The following IQANK1 variants were observed in gnomAD, a reference collection of about 807,000 sequenced individuals.
IQANK1 encodes the protein IQ motif and ankyrin repeat domain-containing protein 1.
In IQANK1, 30 loss-of-function variants were observed where a neutral mutation model predicts 22.6. That is an observed-to-expected ratio of 1.33 (90% CI 0.99 to 1.80). The LOEUF (loss-of-function observed/expected upper bound fraction) is 1.80, where lower values mean the gene tolerates loss of function less well. Among genes scored for constraint, IQANK1 ranks in the 40% most tolerant of loss-of-function variants. IQANK1 has a pLI of 0.00. For missense variants in IQANK1, 275 were observed against 235.2 expected, an observed-to-expected ratio of 1.17 and a Z score of -1.11; for synonymous variants, 122 against 99.6, an observed-to-expected ratio of 1.23 and a Z score of -1.34.
intron 2 of IQANK1, 45 bp from the exon 3 acceptor site, chr8:143,739,814 T>TG (rs548917575): frequency 7.2e-5 from 49 of 677,020 alleles, no homozygotes; most frequent in South Asian, 1.6e-4. Flanking sequence ...CTAATGGGGA[T>TG]GGGGGTCTCT....
At chr8:143,773,327 A>AAAAC (rs1563777465) in intron 7 of IQANK1, among the ~76,000 whole-genome samples, 4 of 105,148 alleles carry the variant, frequency 3.8e-5, no homozygotes, top group African/African-American at 2.6e-4. Flanking sequence ...CAAAAAAAAC[A>AAAAC]CAAAAAAAAC....
chr8:143,737,152 G>T (rs1257208682), intron 2 of IQANK1, among the ~76,000 whole-genome samples: 1 of 152,238 alleles, frequency 6.6e-6, no homozygotes. Context: ...GGGCACAGGT[G>T]CCGCATGCTG....
chr8:143,744,076 C>T, intron 3 of IQANK1: 1 of 243,074 alleles, frequency 4.1e-6, no homozygotes, highest in Non-Finnish European at 8.3e-6. Context: ...TTGTGATCCG[C>T]CCGTCTCAGC....
rs1195492124 is a variant in IQANK1, at chr8:143,735,684, G to C, written c.-4-166G>C. Among the ~76,000 whole-genome samples, 4 of 152,188 alleles carry C rather than the reference G, an allele frequency of 2.6e-5. 1 individual carries two copies. Among genetic ancestry groups the C allele is most frequent in the African/African-American group, 7.2e-5 (3 of 41,482 alleles). On this transcript the variant is annotated intron_variant, in intron 1 of 13. Coordinates refer to ENST00000527139, the MANE Select transcript of IQANK1 (RefSeq NM_001381874.1). The surrounding 1 kb of genome is among the most constrained non-coding windows in gnomAD (Gnocchi z 5.2). ...GCTCAAGCTTCTGGGCACACACCCG[G>C]GGCGGGCAGGCAGACAGGACACCAG...
intron 7 of IQANK1, among the ~76,000 whole-genome samples, chr8:143,784,008 G>C (rs1449147998): frequency 1.3e-5 from 2 of 152,188 alleles, no homozygotes; most frequent in African/African-American, 4.8e-5. Flanking sequence ...ATAAAAGCAA[G>C]TCTTCCCACC....
At chr8:143,778,662 C>T (rs2129930940) in intron 7 of IQANK1, among the ~76,000 whole-genome samples, 1 of 152,366 alleles carries the variant, frequency 6.6e-6, no homozygotes, top group South Asian at 2.1e-4. Flanking sequence ...ACCATCCCTT[C>T]ATCATTCATC....
chr8:143,746,936 G>A (rs930557437), intron 3 of IQANK1, among the ~76,000 whole-genome samples: 2 of 151,972 alleles, frequency 1.3e-5, no homozygotes, highest in Non-Finnish European at 2.9e-5. Context: ...CTGGAGTGCA[G>A]TGGCACTATC....
At chr8:143,749,293 A>G (rs1212496441) in intron 3 of IQANK1, among the ~76,000 whole-genome samples, 3 of 120,960 alleles carry the variant, frequency 2.5e-5, no homozygotes, top group East Asian at 2.4e-4. Context: ...ATAAAAATAT[A>G]TAATATATAA....
At chr8:143,734,613 G>A (rs1200616988) in intron 1 of IQANK1, among the ~76,000 whole-genome samples, 1 of 151,258 alleles carries the variant, frequency 6.6e-6, no homozygotes, top group Non-Finnish European at 1.5e-5. Flanking sequence ...CCACGAACAC[G>A]CTGACATCCG....
intron 7 of IQANK1, among the ~76,000 whole-genome samples, chr8:143,775,823 C>CACA (rs57293834): frequency 4.0e-4 from 57 of 140,954 alleles, no homozygotes; most frequent in African/African-American, 1.7e-3. Context: ...CACACACACA[C>CACA]CATTCCTAAA....
intron 3 of IQANK1, among the ~76,000 whole-genome samples, chr8:143,766,367 G>A (rs538331831): frequency 2.5e-4 from 38 of 152,000 alleles, no homozygotes; most frequent in Non-Finnish European, 4.9e-4. Flanking sequence ...GTGTCTTCTC[G>A]TGAATAGAAC....
intron 7 of IQANK1, among the ~76,000 whole-genome samples, chr8:143,786,848 A>G (rs1819898711): frequency 6.6e-6 from 1 of 152,184 alleles, no homozygotes; most frequent in African/African-American, 2.4e-5. Flanking sequence ...TCCAGACAGG[A>G]GGACTGGCCA....
intron 3 of IQANK1, among the ~76,000 whole-genome samples, chr8:143,763,918 G>A (rs1819440441): frequency 6.6e-6 from 1 of 152,170 alleles, no homozygotes; most frequent in African/African-American, 2.4e-5. Context: ...ATACACTGGG[G>A]ACTTAAGCTG....
chr8:143,778,626 C>T (rs782038781), intron 7 of IQANK1, among the ~76,000 whole-genome samples: 1 of 152,190 alleles, frequency 6.6e-6, no homozygotes, highest in East Asian at 1.9e-4. Flanking sequence ...GCGATGATAC[C>T]GAAGAGCTGA....
At chr8:143,737,810 C>T (rs1818782305) in intron 2 of IQANK1, among the ~76,000 whole-genome samples, 2 of 152,218 alleles carry the variant, frequency 1.3e-5, no homozygotes, top group South Asian at 4.1e-4. Flanking sequence ...CTCCTCCCGC[C>T]ACAGCTGCAT....
At chr8:143,736,301 T>C (rs1375550340) in intron 2 of IQANK1, among the ~76,000 whole-genome samples, 1 of 152,034 alleles carries the variant, frequency 6.6e-6, no homozygotes, top group Non-Finnish European at 1.5e-5. Context: ...CACCACGCCC[T>C]GCTGATTTTT....
intron 3 of IQANK1, among the ~76,000 whole-genome samples, chr8:143,768,279 C>G (rs1446199825): frequency 6.6e-6 from 1 of 152,100 alleles, no homozygotes; most frequent in Non-Finnish European, 1.5e-5. Context: ...GCGGGAACGT[C>G]TCACCGCTTG....
intron 2 of IQANK1, 34 bp from the exon 3 acceptor site, chr8:143,739,825 C>T (rs1818851601): frequency 1.5e-6 from 1 of 682,528 alleles, no homozygotes; most frequent in African/African-American, 1.8e-5. Flanking sequence ...GGGGGTCTCT[C>T]ATCCCAAGCT....
rs1056982692 is a variant in IQANK1, at chr8:143,790,461, C to T, written c.1536C>T (p.Asp512=). The T allele has an allele frequency of 1.5e-5, 7 of 452,224 alleles. No homozygotes were observed. The highest frequency in any genetic ancestry group is 2.3e-4 in the South Asian group (2 of 8,834). 28.0% of individuals were successfully genotyped at this position (452,224 alleles called of 1,614,324 possible). ...ERYLSLLRPT[D]GPEYSPTQFQ... ...ACCTGTCGCTGCTGCGGCCCACGGA[C>T]GGGCCTGAGTATAGCCCCACGCAGT... Residue 512 remains aspartate, a synonymous_variant, in exon 14 of 14, where the codon GAC becomes GAT. Transcript: ENST00000527139.
Sources: gnomAD v4.1 joint callset for allele counts (sites outside exome capture counted in the v4.1 genomes callset) on GRCh38, gnomAD v4.1.1 for gene constraint, Gnocchi (gnomAD v3.1) non-coding constraint, MANE v1.5 for transcripts, NCBI Gene and HGNC (gene_info 2026-07-23, HGNC 2026-07-21) for gene names.